Variants in POLA2 observed in about 807,000 individuals in gnomAD.
POLA2 encodes DNA polymerase alpha 2, accessory subunit, also known as DNA polymerase alpha subunit B.
POLA2 carries 47 observed loss-of-function variants against 82.8 expected under a neutral mutation model. The ratio of observed to expected loss-of-function variants is 0.57; its 90% CI spans 0.45 to 0.72. The LOEUF (loss-of-function observed/expected upper bound fraction) is 0.72. POLA2 is among the 30% of genes least tolerant of loss of function. The pLI is 0.00. For synonymous variants in POLA2, 287 were observed against 286.8 expected, an observed-to-expected ratio of 1.00 and a Z score of -0.01; for missense variants, 634 against 728.1, an observed-to-expected ratio of 0.87 and a Z score of 1.49.
intron 4 of POLA2, among the ~76,000 whole-genome samples, chr11:65,272,496 C>T (rs953502921): frequency 3.9e-5 from 6 of 152,142 alleles, no homozygotes; most frequent in East Asian, 1.9e-4. Context: ...CTTTTGCTTC[C>T]GTGTTCACCA....
Position 65,262,011 on chromosome 11 carries a change from G to A in POLA2, c.-282G>A. On this transcript the variant is annotated 5_prime_UTR_variant, in exon 1 of 18. Coordinates refer to ENST00000265465, the MANE Select transcript of POLA2 (RefSeq NM_002689.4). ...CTCAGCGGTAGCTTTTGGGAAGCAG[G>A]ACGTTCTCACCAGGAGAGCGTCCTC... 2.0e-6 allele frequency: 1 copy of A among 493,696 alleles called. No individual in the cohort carries two copies. The highest frequency in any genetic ancestry group is 3.9e-5 in the Admixed American group (1 of 25,920). 30.6% of individuals were successfully genotyped at this position (493,696 alleles called of 1,614,324 possible). A position where few individuals can be genotyped will look rare whatever the true frequency, so the allele number is the denominator to read the frequency against.
intron 13 of POLA2, among the ~76,000 whole-genome samples, chr11:65,292,304 G>A (rs565116757): frequency 6.6e-6 from 1 of 152,342 alleles, no homozygotes; most frequent in African/African-American, 2.4e-5. Context: ...TTCTCGTCCT[G>A]TTTGCGGGAG....
Position 65,295,912 on chromosome 11 carries a change from G to GTCGT in POLA2, c.1572_1575dup (p.Tyr526ValfsTer53). The stretch of plus-strand genomic sequence containing the variant: ...AAGAAGACATGGCCATTGACTATGA[G>GTCGT]TCGTTCTATGTTTACGCACAGCTGC... On this transcript the variant is annotated frameshift_variant, in exon 17 of 18. Coordinates refer to ENST00000265465, the MANE Select transcript of POLA2 (RefSeq NM_002689.4). LOFTEE classifies it high-confidence loss of function. 6.2e-7 allele frequency: 1 copy of GTCGT among 1,614,060 alleles called. No homozygotes were observed. Among genetic ancestry groups the GTCGT allele is most frequent in the South Asian group, 1.1e-5 (1 of 91,086 alleles).
rs1334890442 is a variant in POLA2, at chr11:65,294,205, C to A, written c.1297C>A (p.Pro433Thr). ...GTCATTGAGAGATGTGCACCATGAGCCTGTGTACCCCCAGCCGCCTTTCAG... is the reference window on the plus strand; with the variant it reads ...GTCATTGAGAGATGTGCACCATGAGACTGTGTACCCCCAGCCGCCTTTCAG... ...VPSLRDVHHE[P>T]VYPQPPFSYS... Residue 433 changes from proline to threonine, a missense_variant, in exon 14 of 18, where the codon CCT (proline) becomes ACT (threonine). Coordinates refer to ENST00000265465, the MANE Select transcript of POLA2 (RefSeq NM_002689.4). The A allele has an allele frequency of 6.2e-7, 1 of 1,614,028 alleles. No individual in the cohort carries two copies. The highest frequency in any genetic ancestry group is 1.3e-5 in the African/African-American group (1 of 74,910).
At chr11:65,278,608 T>C in intron 5 of POLA2, 122 bp from the exon 6 acceptor site, 1 of 804,152 alleles carries the variant, frequency 1.2e-6, no homozygotes, top group South Asian at 1.7e-5. Flanking sequence ...ACTGATTCAA[T>C]TTATAAACTA....
intron 4 of POLA2, among the ~76,000 whole-genome samples, chr11:65,273,968 C>T (rs946720615): frequency 3.3e-5 from 5 of 152,192 alleles, no homozygotes; most frequent in Non-Finnish European, 5.9e-5. Context: ...TCACCTGAGA[C>T]TCAGCATTAC....
intron 6 of POLA2, 73 bp downstream of exon 6, chr11:65,278,996 G>C: frequency 7.3e-7 from 1 of 1,368,734 alleles, no homozygotes; most frequent in Non-Finnish European, 1.0e-6. Flanking sequence ...CAAAGCTTCA[G>C]CTAGGCTGGT....
chr11:65,298,917 T>A (rs751984048), downstream of POLA2, among the ~76,000 whole-genome samples: 11 of 152,172 alleles, frequency 7.2e-5, no homozygotes, highest in Non-Finnish European at 1.2e-4. Context: ...TTGGAAATGA[T>A]CTGGGAGGGC....
intron 1 of POLA2, among the ~76,000 whole-genome samples, chr11:65,265,708 G>A (rs1949452627): frequency 6.6e-6 from 1 of 152,066 alleles, no homozygotes; most frequent in Admixed American, 6.6e-5. Flanking sequence ...AAACTTCTGG[G>A]TTCAAACAGT....
In POLA2 at chr11:65,297,246, G is replaced by A; in HGVS notation, c.1774G>A (p.Ala592Thr). Residue 592 changes from alanine to threonine, a missense_variant, in exon 18 of 18, where the codon GCT (alanine) becomes ACT (threonine). Ala to Thr is a moderately conservative substitution (Grantham distance 58). Coordinates refer to ENST00000265465, the MANE Select transcript of POLA2 (RefSeq NM_002689.4). ...GGCAGAGAGGCAGAGCCCATGCATT[G>A]CTGTGCAGGTCGTCAGGATCTGAGG... ...DGAERQSPCI[A>T]VQVVRI 6.2e-7 allele frequency: 1 copy of A among 1,611,464 alleles called. No homozygotes were observed. Among genetic ancestry groups the A allele is most frequent in the Non-Finnish European group, 8.5e-7 (1 of 1,178,638 alleles).
In POLA2 at chr11:65,297,498, G is replaced by A. The variant is rs547350172; in HGVS notation, c.*229G>A. ...GCTCTTGCTTCTCAGTCCATGCTCCGTGTCCAGAAGTAAGCCAGCTGTGGA... is the reference window on the plus strand; with the variant it reads ...GCTCTTGCTTCTCAGTCCATGCTCCATGTCCAGAAGTAAGCCAGCTGTGGA... On this transcript the variant is annotated 3_prime_UTR_variant, in exon 18 of 18. Transcript: ENST00000265465. 68 of 395,568 alleles carry A rather than the reference G, an allele frequency of 1.7e-4. No individual in the cohort carries two copies. Among genetic ancestry groups the A allele is most frequent in the Non-Finnish European group, 2.6e-4 (59 of 224,292 alleles). The allele number at this position is 395,568 out of a possible 1,614,324, so 24.5% of individuals were successfully genotyped here. A position where few individuals can be genotyped will look rare whatever the true frequency, so the allele number is the denominator to read the frequency against.
chr11:65,277,153 C>G (rs1481686352), intron 5 of POLA2, among the ~76,000 whole-genome samples: 2 of 148,922 alleles, frequency 1.3e-5, no homozygotes, highest in South Asian at 4.3e-4. Context: ...GGTGAGTGGT[C>G]ATTGGATTTT....
intron 4 of POLA2, among the ~76,000 whole-genome samples, chr11:65,274,785 T>C (rs1949559322): frequency 6.6e-6 from 1 of 152,186 alleles, no homozygotes; most frequent in South Asian, 2.1e-4. Flanking sequence ...TAAACTAAGA[T>C]TATGACTATA....
At chr11:65,266,550 A>G in intron 1 of POLA2, 32 bp from the exon 2 acceptor site, 1 of 1,611,454 alleles carries the variant, frequency 6.2e-7, no homozygotes, top group Non-Finnish European at 8.5e-7. Flanking sequence ...AAATGAACTA[A>G]GTTTTTACTT....
intron 5 of POLA2, among the ~76,000 whole-genome samples, chr11:65,276,599 C>T (rs1304434564): frequency 1.3e-5 from 2 of 152,064 alleles, no homozygotes; most frequent in Admixed American, 6.6e-5. Flanking sequence ...ATAAATGACA[C>T]GTCTCATATT....
chr11:65,278,855 T>TG lies in POLA2; in HGVS notation c.590dup (p.Cys198MetfsTer26). ...GCTGGAAACATCAGCCTGAAGGTCT[T>TG]GGGATGTCCAGAGGCACTAACTGGG... On this transcript the variant is annotated frameshift_variant, in exon 6 of 18. Coordinates refer to ENST00000265465, the MANE Select transcript of POLA2 (RefSeq NM_002689.4). LOFTEE classifies it high-confidence loss of function. The TG allele has an allele frequency of 1.9e-6, 3 of 1,613,840 alleles. No individual in the cohort carries two copies. Among genetic ancestry groups the TG allele is most frequent in the Non-Finnish European group, 2.5e-6 (3 of 1,179,996 alleles).
chr11:65,276,265 G>A (rs1158715810), intron 5 of POLA2, among the ~76,000 whole-genome samples: 3 of 152,102 alleles, frequency 2.0e-5, no homozygotes, highest in Admixed American at 6.6e-5. Context: ...CTGATATCTT[G>A]TATTGAAAAC....
chr11:65,269,486 C>CAAA (rs1294987727), intron 4 of POLA2, among the ~76,000 whole-genome samples: 14 of 99,936 alleles, frequency 1.4e-4, no homozygotes, highest in East Asian at 3.2e-4. Flanking sequence ...GACTCCGTCT[C>CAAA]AAAAAAAAAA....
At chr11:65,269,499 A>C (rs1188103623) in intron 4 of POLA2, among the ~76,000 whole-genome samples, 1 of 151,918 alleles carries the variant, frequency 6.6e-6, no homozygotes, top group Non-Finnish European at 1.5e-5. Flanking sequence ...AAAAAAAAAA[A>C]AAAACAACAA....
Sources: allele counts gnomAD v4.1 joint callset (sites outside exome capture counted in the v4.1 genomes callset), GRCh38; gene constraint gnomAD v4.1.1; transcripts MANE v1.5; gene names NCBI Gene and HGNC (gene_info 2026-07-23, HGNC 2026-07-21).